The following SEC22A variants were observed in gnomAD, a reference collection of about 807,000 sequenced individuals.
SEC22A encodes the protein SEC22 homolog A, vesicle trafficking protein.
A neutral mutation model predicts 35.3 loss-of-function variants in SEC22A; 22 were observed. The ratio of observed to expected loss-of-function variants is 0.62; its 90% CI spans 0.45 to 0.89. The LOEUF is 0.89. SEC22A is among the 40% of genes least tolerant of loss of function. SEC22A has a pLI of 0.00. For missense variants in SEC22A, 354 were observed against 362.5 expected (o/e 0.98, Z 0.19); for synonymous variants, 119 against 129.5 (o/e 0.92, Z 0.55).
chr3:123,229,471 G>GA (rs1937275347), intron 4 of SEC22A, among the ~76,000 whole-genome samples: 1 of 152,134 alleles, frequency 6.6e-6, no homozygotes, highest in Non-Finnish European at 1.5e-5. Context: ...ATCTAGCAAA[G>GA]TTATCTTTTA....
chr3:123,245,919 G>T lies in SEC22A; in HGVS notation c.562G>T (p.Ala188Ser). 6.2e-7 allele frequency: 1 copy of T among 1,608,404 alleles called. No individual in the cohort carries two copies. Among genetic ancestry groups the T allele is most frequent in the Non-Finnish European group, 8.5e-7 (1 of 1,175,762 alleles). ...TCCAGCTCACCAGCGACTGGAACCA[G>T]CAACTCTGTCAGGGATTGTAGGATT... is the stretch of plus-strand genomic sequence containing the variant. Reference protein sequence around the residue: ...ISSAHQRLEPATLSGIVGFIL... With the variant: ...ISSAHQRLEPSTLSGIVGFIL... The change falls in exon 5 of 7, where the codon GCA becomes TCA. Residue 188 changes from alanine to serine, a missense_variant. Physicochemically the swap from Ala to Ser is moderately conservative, Grantham distance 99. Transcript: ENST00000492595.
chr3:123,240,278 C>T (rs940340265), intron 4 of SEC22A, among the ~76,000 whole-genome samples: 2 of 152,188 alleles, frequency 1.3e-5, no homozygotes, highest in East Asian at 1.9e-4. Context: ...CCATCTCCCC[C>T]GAAAAGTTTC....
At chr3:123,253,519 C>G (rs1319158466) in intron 5 of SEC22A, among the ~76,000 whole-genome samples, 2 of 152,020 alleles carry the variant, frequency 1.3e-5, no homozygotes, top group Non-Finnish European at 2.9e-5. Context: ...CAAGACCAGC[C>G]TGGCCAATGT....
chr3:123,218,130 T>C (rs1204343850), intron 2 of SEC22A, among the ~76,000 whole-genome samples: 1 of 152,210 alleles, frequency 6.6e-6, no homozygotes, highest in African/African-American at 2.4e-5. Flanking sequence ...GGACACATTA[T>C]AGAATTAGCT....
intron 5 of SEC22A, among the ~76,000 whole-genome samples, chr3:123,249,109 A>C (rs1209831606): frequency 6.6e-6 from 1 of 152,220 alleles, no homozygotes; most frequent in Non-Finnish European, 1.5e-5. Context: ...ATTATAAAGG[A>C]AATTACAAAG....
chr3:123,263,193 A>G (rs1937931908), intron 6 of SEC22A, among the ~76,000 whole-genome samples: 1 of 152,264 alleles, frequency 6.6e-6, no homozygotes, highest in Admixed American at 6.5e-5. Flanking sequence ...AGAATGCTAT[A>G]AGAAAATACC....
chr3:123,222,315 C>T (rs1481382899), intron 2 of SEC22A, among the ~76,000 whole-genome samples: 3 of 152,250 alleles, frequency 2.0e-5, no homozygotes, highest in Non-Finnish European at 2.9e-5. Context: ...TCTCCTGCCT[C>T]AGCCTCCTGA....
chr3:123,225,012 T>C, intron 3 of SEC22A, 91 bp from the exon 4 acceptor site: 6 of 798,622 alleles, frequency 7.5e-6, no homozygotes, highest in South Asian at 2.0e-5. Flanking sequence ...AATAATAAAC[T>C]ACCTGTAATA....
chr3:123,231,159 T>C (rs1198222173), intron 4 of SEC22A, among the ~76,000 whole-genome samples: 1 of 152,158 alleles, frequency 6.6e-6, no homozygotes, highest in Admixed American at 6.6e-5. Context: ...CAAAGTACAT[T>C]AAGTAAAACC....
intron 4 of SEC22A, among the ~76,000 whole-genome samples, chr3:123,244,451 C>T (rs1175941371): frequency 6.6e-6 from 1 of 151,992 alleles, no homozygotes; most frequent in Non-Finnish European, 1.5e-5. Flanking sequence ...ATTTTTAAAT[C>T]GTGAATTTTT....
intron 2 of SEC22A, among the ~76,000 whole-genome samples, chr3:123,211,949 G>T (rs1230507809): frequency 6.6e-6 from 1 of 152,118 alleles, no homozygotes; most frequent in African/African-American, 2.4e-5. Flanking sequence ...CCCAGCTACT[G>T]TGGCGACATA....
intron 6 of SEC22A, among the ~76,000 whole-genome samples, chr3:123,264,796 T>TTTTG (rs575629849): frequency 4.6e-5 from 7 of 151,930 alleles, no homozygotes; most frequent in East Asian, 3.9e-4. Flanking sequence ...GCCTAGCTAA[T>TTTTG]TTTGTTTGTT....
chr3:123,250,589 G>A (rs1455062419), intron 5 of SEC22A, among the ~76,000 whole-genome samples: 1 of 152,124 alleles, frequency 6.6e-6, no homozygotes, highest in Non-Finnish European at 1.5e-5. Flanking sequence ...ATGGAGGGAC[G>A]AGTCTTCCTC....
At chr3:123,219,942 C>G (rs748458646) in intron 2 of SEC22A, among the ~76,000 whole-genome samples, 21 of 152,056 alleles carry the variant, frequency 1.4e-4, no homozygotes, top group Non-Finnish European at 8.8e-5. Context: ...CTTTGCATTT[C>G]AAATAAAGCA....
At chr3:123,246,093 G>A in intron 5 of SEC22A, 79 bp downstream of exon 5, 2 of 757,084 alleles carry the variant, frequency 2.6e-6, no homozygotes, top group South Asian at 3.2e-5. Context: ...AATTGGATTG[G>A]GTATTAGTAT....
chr3:123,244,819 C>T (rs765217478), intron 4 of SEC22A, among the ~76,000 whole-genome samples: 32 of 152,138 alleles, frequency 2.1e-4, no homozygotes, highest in Non-Finnish European at 7.4e-5. Flanking sequence ...GTTCTGTTGT[C>T]TTTCCCTCTG....
chr3:123,204,149 A>T (rs1936807297), intron 1 of SEC22A, among the ~76,000 whole-genome samples: 1 of 152,228 alleles, frequency 6.6e-6, no homozygotes, highest in African/African-American at 2.4e-5. Flanking sequence ...ACATTAAAAA[A>T]TTCTCCCCAA....
chr3:123,257,697 T>C (rs539557762), intron 5 of SEC22A, among the ~76,000 whole-genome samples: 1 of 144,808 alleles, frequency 6.9e-6, no homozygotes, highest in East Asian at 2.1e-4. Flanking sequence ...AGACTCAATC[T>C]CGAAAGAAAG....
intron 5 of SEC22A, among the ~76,000 whole-genome samples, chr3:123,259,255 A>G (rs1250500359): frequency 1.3e-5 from 2 of 152,078 alleles, no homozygotes; most frequent in Non-Finnish European, 2.9e-5. Flanking sequence ...GTTATGTCAG[A>G]ACTTTTCCCC....
Sources: gnomAD v4.1 joint callset for allele counts (sites outside exome capture counted in the v4.1 genomes callset) on GRCh38, gnomAD v4.1.1 for gene constraint, MANE v1.5 for transcripts, NCBI Gene and HGNC (gene_info 2026-07-23, HGNC 2026-07-21) for gene names.